The following PTPRE variants were observed in gnomAD, a reference collection of about 807,000 sequenced individuals.
The protein encoded by PTPRE is protein tyrosine phosphatase receptor type E.
Under a neutral mutation model 102.0 loss-of-function variants are expected in PTPRE, and 51 were observed. The observed-to-expected ratio is 0.50, with a 90% CI of 0.40 to 0.63. PTPRE has a LOEUF of 0.63. Ranked by LOEUF, PTPRE falls within the 30% of genes least tolerant of loss-of-function variation. The probability of loss-of-function intolerance (pLI) is 0.00; values close to 1 mark genes in which losing one functional copy is unlikely to be tolerated. For synonymous variants in PTPRE, 345 were observed against 348.2 expected (o/e 0.99, Z 0.10); for missense variants, 752 against 915.1 (o/e 0.82, Z 2.30).
chr10:127,949,983 C>T (rs1178014474), intron 1 of PTPRE, among the ~76,000 whole-genome samples: 1 of 152,038 alleles, frequency 6.6e-6, no homozygotes, highest in Non-Finnish European at 1.5e-5. Flanking sequence ...ACAGCCTCCC[C>T]TGAGCCAGTT....
At chr10:128,066,267 T>C in intron 11 of PTPRE, 73 bp downstream of exon 11, 1 of 1,575,934 alleles carries the variant, frequency 6.3e-7, no homozygotes, top group Non-Finnish European at 8.6e-7. Flanking sequence ...TTAACATCCT[T>C]CTGCATTTAT....
intron 2 of PTPRE, among the ~76,000 whole-genome samples, chr10:127,991,520 C>T (rs4531377): frequency 0.12 from 17,661 of 152,186 alleles, 1,272 homozygotes; most frequent in Non-Finnish European, 0.16. Flanking sequence ...GCAAGCATGA[C>T]GCCATCATGA....
intron 2 of PTPRE, among the ~76,000 whole-genome samples, chr10:128,016,201 T>G (rs1165822117): frequency 6.6e-6 from 1 of 152,218 alleles, no homozygotes; most frequent in African/African-American, 2.4e-5. Context: ...ACCGTAGGCT[T>G]AAGGCCCATG....
At chr10:127,962,683 T>C (rs1849920414) in intron 1 of PTPRE, among the ~76,000 whole-genome samples, 1 of 152,162 alleles carries the variant, frequency 6.6e-6, no homozygotes, top group South Asian at 2.1e-4. Flanking sequence ...GGCTGTGCCC[T>C]CCCCAACGCC....
At position 128,070,925 on chromosome 10, in the gene PTPRE, G is replaced by C. The variant is rs1245647058; in HGVS notation, c.1387+24G>C. On this transcript the variant is annotated intron_variant, in intron 15 of 20. Coordinates refer to ENST00000254667, the MANE Select transcript of PTPRE (RefSeq NM_006504.6). This position sits in a 1 kb window ranked among gnomAD's most constrained non-coding sequence, Gnocchi z 4.8. ...GTGTAAGGCACCCGTGGCGTGGCTT[G>C]GGCAGGGCTGGGGCGGGGCTGGTGC... 2 of 1,596,782 alleles carry C rather than the reference G, an allele frequency of 1.3e-6. No individual in the cohort carries two copies. Among genetic ancestry groups the C allele is most frequent in the East Asian group, 2.2e-5 (1 of 44,798 alleles).
intron 2 of PTPRE, among the ~76,000 whole-genome samples, chr10:128,034,137 A>C (rs1410780220): frequency 6.6e-6 from 1 of 152,148 alleles, no homozygotes; most frequent in South Asian, 2.1e-4. Flanking sequence ...CTCATCATCA[A>C]TCAGATTCTA....
At chr10:127,974,549 A>T (rs1247815926) in intron 1 of PTPRE, among the ~76,000 whole-genome samples, 1 of 152,018 alleles carries the variant, frequency 6.6e-6, no homozygotes, top group Non-Finnish European at 1.5e-5. Context: ...CATTTCAACG[A>T]TCTGTTTATA....
intron 3 of PTPRE, among the ~76,000 whole-genome samples, chr10:128,042,092 G>A (rs906195105): frequency 1.3e-5 from 2 of 152,148 alleles, no homozygotes; most frequent in Non-Finnish European, 2.9e-5. Flanking sequence ...ATATTAACTT[G>A]CCTCTTTGCA....
intron 2 of PTPRE, among the ~76,000 whole-genome samples, chr10:127,987,898 A>G (rs905905994): frequency 2.0e-5 from 3 of 152,244 alleles, no homozygotes; most frequent in Non-Finnish European, 4.4e-5. Flanking sequence ...CTGCAGGCCA[A>G]TGAGCAGGTC....
intron 2 of PTPRE, among the ~76,000 whole-genome samples, chr10:127,984,479 C>T (rs891445403): frequency 1.3e-5 from 2 of 152,228 alleles, no homozygotes; most frequent in South Asian, 2.1e-4. Context: ...TCTCTTGACA[C>T]GAGGAAAGGG....
At chr10:127,954,163 C>T (rs1405383506) in intron 1 of PTPRE, among the ~76,000 whole-genome samples, 2 of 152,196 alleles carry the variant, frequency 1.3e-5, no homozygotes, top group Admixed American at 1.3e-4. Context: ...CTGTCATGGA[C>T]TCGTGATCTA....
At position 128,008,175 on chromosome 10, in the gene PTPRE, A is replaced by G. The variant is rs1844658729; in HGVS notation, c.-8+25879A>G. On this transcript the variant is annotated intron_variant, in intron 2 of 20. Coordinates refer to ENST00000254667, the MANE Select transcript of PTPRE (RefSeq NM_006504.6). This position sits in a 1 kb window ranked among gnomAD's most constrained non-coding sequence, Gnocchi z 4.0. ...CCTGGGAAAACTGCCCAAGGGAAAC[A>G]GTGCATCCACCATCTCTGTCTGCAG... is the stretch of plus-strand genomic sequence containing the variant. Among the ~76,000 whole-genome samples the G allele has an allele frequency of 6.6e-6, 1 of 152,144 alleles. No homozygotes were observed. Among genetic ancestry groups the G allele is most frequent in the Admixed American group, 6.5e-5 (1 of 15,282 alleles).
At chr10:128,076,479 T>G in intron 17 of PTPRE, 124 bp from the exon 18 acceptor site, 1 of 766,458 alleles carries the variant, frequency 1.3e-6, no homozygotes, top group Non-Finnish European at 1.9e-6. Flanking sequence ...CATATTCATA[T>G]GTTTTTTTTT....
chr10:128,033,888 G>T (rs1303669008), intron 2 of PTPRE, among the ~76,000 whole-genome samples: 4 of 152,158 alleles, frequency 2.6e-5, no homozygotes, highest in Non-Finnish European at 5.9e-5. Flanking sequence ...CAAGTGATCT[G>T]CCTGCCTCGG....
chr10:128,015,303 G>C (rs1845324844), intron 2 of PTPRE, among the ~76,000 whole-genome samples: 1 of 152,194 alleles, frequency 6.6e-6, no homozygotes, highest in Non-Finnish European at 1.5e-5. Context: ...CAGCACTTTG[G>C]GAGGTCAAGG....
intron 2 of PTPRE, among the ~76,000 whole-genome samples, chr10:127,997,762 T>C (rs948602631): frequency 2.0e-5 from 3 of 152,254 alleles, no homozygotes; most frequent in African/African-American, 4.8e-5. Flanking sequence ...ATATTACTTC[T>C]GCTTTTTCAA....
intron 1 of PTPRE, among the ~76,000 whole-genome samples, chr10:127,923,552 C>T (rs527986399): frequency 7.9e-5 from 12 of 152,022 alleles, no homozygotes; most frequent in African/African-American, 1.7e-4. Context: ...TACAGGCGCC[C>T]GCCACCATGC....
intron 6 of PTPRE, among the ~76,000 whole-genome samples, chr10:128,052,792 C>T (rs1848654186): frequency 6.6e-6 from 1 of 152,200 alleles, no homozygotes; most frequent in Non-Finnish European, 1.5e-5. Flanking sequence ...AACCGCAAAG[C>T]TTCCAGCACA....
chr10:127,989,077 T>C (rs897978688), intron 2 of PTPRE, among the ~76,000 whole-genome samples: 3 of 152,174 alleles, frequency 2.0e-5, no homozygotes, highest in Non-Finnish European at 4.4e-5. Flanking sequence ...TGATAGTATT[T>C]AACTGATTTC....
Sources: allele counts gnomAD v4.1 joint callset (sites outside exome capture counted in the v4.1 genomes callset), GRCh38; gene constraint gnomAD v4.1.1; non-coding constraint Gnocchi (gnomAD v3.1); transcripts MANE v1.5; gene names NCBI Gene and HGNC (gene_info 2026-07-23, HGNC 2026-07-21).